The following MTMR9 variants were observed in gnomAD, a reference collection of about 807,000 sequenced individuals.
MTMR9 encodes myotubularin related protein 9, also known as myotubularin-related protein 9.
Under a neutral mutation model 69.5 loss-of-function variants are expected in MTMR9, and 39 were observed. That is an observed-to-expected ratio of 0.56 (90% CI 0.43 to 0.73). MTMR9 has a LOEUF of 0.73. Ranked by LOEUF, MTMR9 falls within the 30% of genes least tolerant of loss-of-function variation. MTMR9 has a pLI of 0.00. For missense variants in MTMR9, 900 were observed against 671.2 expected (o/e 1.34, Z -3.77); for synonymous variants, 354 against 240.8 (o/e 1.47, Z -4.35).
Position 11,306,095 on chromosome 8 carries a change from G to A in MTMR9, c.592-95G>A. ...TCCATCTGCAGAGTGTCACACAATT[G>A]TTTTTGAGATACTCTTAATCTAGCT... On this transcript the variant is annotated intron_variant, in intron 4 of 9. Coordinates refer to ENST00000221086, the MANE Select transcript of MTMR9 (RefSeq NM_015458.4). 2.9e-6 allele frequency: 3 copies of A among 1,024,782 alleles called. No individual in the cohort carries two copies. The South Asian group carries it at 4.5e-5, about 15-fold the overall frequency. 63.5% of individuals were successfully genotyped at this position (1,024,782 alleles called of 1,614,324 possible).
chr8:11,309,842 T>C (rs961341096), intron 6 of MTMR9, among the ~76,000 whole-genome samples, 154 bp downstream of exon 6: 4 of 152,234 alleles, frequency 2.6e-5, no homozygotes, highest in African/African-American at 9.6e-5. Flanking sequence ...GGTGTGTGCC[T>C]AGAGTCTGGC....
At chr8:11,314,383 GT>G (rs1006715771) in intron 6 of MTMR9, among the ~76,000 whole-genome samples, 2 of 151,862 alleles carry the variant, frequency 1.3e-5, no homozygotes, top group Non-Finnish European at 2.9e-5. Flanking sequence ...TTTTATGTTT[GT>G]TTTTTTTCCT....
chr8:11,333,066 C>T (rs114205500), downstream of MTMR9, among the ~76,000 whole-genome samples: 466 of 152,142 alleles, frequency 3.1e-3, 1 homozygote, highest in African/African-American at 0.011. Context: ...TTATGAGAGT[C>T]CTAGAAAAAA....
Position 11,294,500 on chromosome 8 carries a change from C to CTTTTTTTTTTTTTTTT in MTMR9, c.183-691_183-676dup, listed in dbSNP as rs61227530. Among the ~76,000 whole-genome samples, 26 of 105,842 alleles carry CTTTTTTTTTTTTTTTT rather than the reference C, an allele frequency of 2.5e-4. 6 individuals carry two copies. The highest frequency in any genetic ancestry group is 8.5e-4 in the African/African-American group (19 of 22,430). The allele number at this position is 105,842 out of a possible 152,430, so 69.4% of individuals were successfully genotyped here. On this transcript the variant is annotated intron_variant, in intron 1 of 9. Coordinates refer to ENST00000221086, the MANE Select transcript of MTMR9 (RefSeq NM_015458.4). ...TGTTAGATTTTGTCAAATACTTTCACTTTTTTTTTTTTTTTTTTGAGACAG... is the reference window on the plus strand; with the variant it reads ...TGTTAGATTTTGTCAAATACTTTCACTTTTTTTTTTTTTTTTTTTTTTTTTTTTTTTTTTGAGACAG...
At chr8:11,301,580 T>A (rs1055150758) in intron 3 of MTMR9, among the ~76,000 whole-genome samples, 3 of 152,224 alleles carry the variant, frequency 2.0e-5, no homozygotes, top group African/African-American at 7.2e-5. Context: ...AAAATCTTTA[T>A]GACCTTCAGT....
intron 2 of MTMR9, chr8:11,298,792 G>A (rs902416060): frequency 7.1e-5 from 69 of 977,326 alleles, no homozygotes; most frequent in Non-Finnish European, 8.2e-5. Context: ...AATCTGCCTA[G>A]TGATAGAGAC....
In MTMR9 at chr8:11,284,829, G is replaced by A. The variant is rs561573268; in HGVS notation, c.-60G>A. 7.6e-6 allele frequency: 11 copies of A among 1,454,702 alleles called. No homozygotes were observed. In the Admixed American group the frequency reaches 2.2e-4, roughly 29 times the overall value. 90.1% of individuals were successfully genotyped at this position (1,454,702 alleles called of 1,614,324 possible). Reference sequence around the variant, plus strand: ...CCGGGTGTTTCCGCTACTTCCCTGCGGCGGGGTAACCGCCTCGCACCTACC... The same window carrying A: ...CCGGGTGTTTCCGCTACTTCCCTGCAGCGGGGTAACCGCCTCGCACCTACC... On this transcript the variant is annotated 5_prime_UTR_variant, in exon 1 of 10. Coordinates refer to ENST00000221086, the MANE Select transcript of MTMR9 (RefSeq NM_015458.4).
chr8:11,312,304 C>G (rs1800235397), intron 6 of MTMR9, among the ~76,000 whole-genome samples: 1 of 152,028 alleles, frequency 6.6e-6, no homozygotes, highest in African/African-American at 2.4e-5. Context: ...CCTGCCTCAG[C>G]CTCCCAAAGT....
intron 2 of MTMR9, among the ~76,000 whole-genome samples, chr8:11,298,317 G>A (rs1332891900): frequency 6.6e-6 from 1 of 152,028 alleles, no homozygotes; most frequent in Non-Finnish European, 1.5e-5. Flanking sequence ...GGTCAGACAT[G>A]GACGCTGGCT....
intron 1 of MTMR9, among the ~76,000 whole-genome samples, chr8:11,293,381 A>G (rs1447005584): frequency 1.3e-5 from 2 of 152,250 alleles, no homozygotes; most frequent in African/African-American, 4.8e-5. Flanking sequence ...AAAAGTTTAT[A>G]AAGTAAAAAA....
chr8:11,300,220 A>C, intron 3 of MTMR9, 72 bp downstream of exon 3: 2 of 1,537,994 alleles, frequency 1.3e-6, no homozygotes, highest in South Asian at 1.1e-5. Flanking sequence ...GAAAATGATC[A>C]CTTCTTTTGA....
chr8:11,295,452 A>C, intron 2 of MTMR9, 150 bp downstream of exon 2: 1 of 588,086 alleles, frequency 1.7e-6, no homozygotes, highest in South Asian at 2.1e-5. Context: ...GTTCATCGTC[A>C]TATGAGTGTA....
Position 11,300,050 on chromosome 8 carries a change from C to G in MTMR9, c.319C>G (p.Leu107Val). Residue 107 changes from leucine to valine, a missense_variant, in exon 3 of 10, where the codon CTG becomes GTG. Transcript: ENST00000221086. ...EALSTLDSIT[L>V]MYPFFYRPMF... Reference sequence around the variant, plus strand: ...ATTGTCTACTCTGGACTCCATCACTCTGATGTACCCTTTCTTTTACCGTCC... The same window carrying G: ...ATTGTCTACTCTGGACTCCATCACTGTGATGTACCCTTTCTTTTACCGTCC... 5 of 1,613,486 alleles carry G rather than the reference C, an allele frequency of 3.1e-6. No individual in the cohort carries two copies. The highest frequency in any genetic ancestry group is 3.4e-6 in the Non-Finnish European group (4 of 1,179,604).
intron 6 of MTMR9, among the ~76,000 whole-genome samples, chr8:11,310,698 C>A (rs1263109976): frequency 6.6e-6 from 1 of 152,128 alleles, no homozygotes; most frequent in Non-Finnish European, 1.5e-5. Context: ...TTTGTTAATA[C>A]TGAGGGTTTT....
At chr8:11,297,012 A>T (rs1315667480) in intron 2 of MTMR9, among the ~76,000 whole-genome samples, 1 of 152,160 alleles carries the variant, frequency 6.6e-6, no homozygotes, top group African/African-American at 2.4e-5. Flanking sequence ...TGTACACTGA[A>T]ATTTTAAATT....
chr8:11,337,001 T>G, the MTMR9 span, among the ~76,000 whole-genome samples: 1 of 152,172 alleles, frequency 6.6e-6, no homozygotes, highest in Non-Finnish European at 1.5e-5. Context: ...GAAGCTGTTT[T>G]TCAAAGAAAA....
chr8:11,328,849 T>C (rs1244121787), downstream of MTMR9, among the ~76,000 whole-genome samples: 1 of 152,246 alleles, frequency 6.6e-6, no homozygotes, highest in Non-Finnish European at 1.5e-5. Flanking sequence ...CCTTCTGATA[T>C]GATCCATCCA....
chr8:11,298,583 G>C (rs1416696008), intron 2 of MTMR9, among the ~76,000 whole-genome samples: 1 of 152,024 alleles, frequency 6.6e-6, no homozygotes, highest in Non-Finnish European at 1.5e-5. Flanking sequence ...TTGCATGCCT[G>C]ATCTTCCTCT....
Position 11,295,410 on chromosome 8 carries a change from T to C in MTMR9, c.291+108T>C, listed in dbSNP as rs1799519548. The C allele has an allele frequency of 1.5e-5, 11 of 716,762 alleles. No homozygotes were observed. In the East Asian group the frequency reaches 2.9e-4, roughly 19 times the overall value. 44.4% of individuals were successfully genotyped at this position (716,762 alleles called of 1,614,324 possible). ...ATTTAGTCATGTTCTCTGACTCAAA[T>C]ACTGAAGACTGATAGGAAAAGCCTC... On this transcript the variant is annotated intron_variant, in intron 2 of 9. Coordinates refer to ENST00000221086, the MANE Select transcript of MTMR9 (RefSeq NM_015458.4).
Sources: gnomAD v4.1 joint callset for allele counts (sites outside exome capture counted in the v4.1 genomes callset) on GRCh38, gnomAD v4.1.1 for gene constraint, MANE v1.5 for transcripts, NCBI Gene and HGNC (gene_info 2026-07-23, HGNC 2026-07-21) for gene names.